The following DIAPH1 variants were observed in gnomAD, a reference collection of about 807,000 sequenced individuals.
DIAPH1 encodes the protein protein diaphanous homolog 1.
In DIAPH1, 46 loss-of-function variants were observed where a neutral mutation model predicts 140.7. The observed-to-expected ratio is 0.33, with a 90% CI of 0.26 to 0.42. The LOEUF (loss-of-function observed/expected upper bound fraction) is 0.42, where lower values mean the gene tolerates loss of function less well. Among genes scored for constraint, DIAPH1 ranks in the 10% least tolerant of loss-of-function variants. DIAPH1 has a pLI of 1.00. For synonymous variants in DIAPH1, 565 were observed against 551.6 expected, an observed-to-expected ratio of 1.02 and a Z score of -0.34; for missense variants, 1,310 against 1,558.7, an observed-to-expected ratio of 0.84 and a Z score of 2.69.
intron 11 of DIAPH1, 39 bp downstream of exon 11, chr5:141,578,186 A>ATGTC: frequency 7.0e-7 from 1 of 1,427,810 alleles, no homozygotes; most frequent in Non-Finnish European, 9.9e-7. Flanking sequence ...AATACAATGA[A>ATGTC]TGTCTCATCT....
At chr5:141,593,101 G>A (rs944378880) in intron 1 of DIAPH1, among the ~76,000 whole-genome samples, 10 of 152,086 alleles carry the variant, frequency 6.6e-5, no homozygotes, top group African/African-American at 2.2e-4. Context: ...GTCCTAAACC[G>A]GAAAGAGCAA....
intron 18 of DIAPH1, among the ~76,000 whole-genome samples, chr5:141,547,822 A>T (rs528200916): frequency 6.6e-6 from 1 of 152,346 alleles, no homozygotes; most frequent in East Asian, 1.9e-4. Context: ...AGCAGCTCAG[A>T]GAAACTCAAG....
At chr5:141,558,054 G>T (rs2099892922) in intron 18 of DIAPH1, among the ~76,000 whole-genome samples, 1 of 152,140 alleles carries the variant, frequency 6.6e-6, no homozygotes, top group East Asian at 1.9e-4. Context: ...GGCCAAGATA[G>T]GGAGTCTGTT....
At chr5:141,578,712 A>C (rs770716247) in intron 9 of DIAPH1, 87 bp from the exon 10 acceptor site, 2 of 980,692 alleles carry the variant, frequency 2.0e-6, no homozygotes, top group Non-Finnish European at 3.2e-6. Flanking sequence ...TTAGGTCCCC[A>C]ATACAACCTG....
chr5:141,538,265 T>C (rs910860473), intron 18 of DIAPH1, among the ~76,000 whole-genome samples: 6 of 152,080 alleles, frequency 3.9e-5, no homozygotes, highest in African/African-American at 7.2e-5. Flanking sequence ...TTTCACTGTG[T>C]TAGCCAGGAT....
chr5:141,613,228 T>G (rs897972984), intron 1 of DIAPH1, among the ~76,000 whole-genome samples: 1 of 152,022 alleles, frequency 6.6e-6, no homozygotes, highest in Non-Finnish European at 1.5e-5. Context: ...ATCTGTTCTA[T>G]CCCCCGCCTT....
intron 18 of DIAPH1, among the ~76,000 whole-genome samples, chr5:141,537,068 T>G (rs1170427688): frequency 6.6e-6 from 1 of 151,708 alleles, no homozygotes; most frequent in African/African-American, 2.4e-5. Flanking sequence ...CTTAGGAGGC[T>G]GAAGTAGGAG....
chr5:141,552,827 C>T (rs2099891940), intron 18 of DIAPH1, among the ~76,000 whole-genome samples: 2 of 152,320 alleles, frequency 1.3e-5, no homozygotes, highest in East Asian at 1.9e-4. Flanking sequence ...AGGCAACCAT[C>T]TGCAAGAGAA....
intron 18 of DIAPH1, among the ~76,000 whole-genome samples, chr5:141,545,291 G>A (rs1476757164): frequency 6.6e-6 from 1 of 152,138 alleles, no homozygotes; most frequent in Non-Finnish European, 1.5e-5. Flanking sequence ...TTATATCTCA[G>A]CAAACCTGAC....
intron 27 of DIAPH1, among the ~76,000 whole-genome samples, chr5:141,521,102 G>A (rs1044776905): frequency 3.3e-5 from 5 of 152,076 alleles, no homozygotes; most frequent in African/African-American, 1.2e-4. Context: ...GAGTTTCACC[G>A]TGTTAGTCAC....
In DIAPH1 at chr5:141,604,328, A is replaced by G. The variant is rs559811392; in HGVS notation, c.117+14470T>C. ...TAACCAATTTTTCCAAAATTTCAAC[A>G]TATTTCTCAAGCTTCAAATATTGAT... On this transcript the variant is annotated intron_variant, in intron 1 of 27. Transcript: ENST00000389054. Among the ~76,000 whole-genome samples, 71 of 152,328 alleles carry G rather than the reference A, an allele frequency of 4.7e-4. 1 individual carries two copies. Among genetic ancestry groups the G allele is most frequent in the African/African-American group, 1.6e-3 (65 of 41,580 alleles).
chr5:141,536,347 G>A (rs2099889014), intron 18 of DIAPH1, among the ~76,000 whole-genome samples: 3 of 151,910 alleles, frequency 2.0e-5, no homozygotes, highest in Non-Finnish European at 4.4e-5. Flanking sequence ...GTTTGAGGAA[G>A]AAAAATACTA....
intron 11 of DIAPH1, among the ~76,000 whole-genome samples, chr5:141,577,838 T>C (rs1378795065): frequency 1.3e-5 from 2 of 152,190 alleles, no homozygotes; most frequent in Admixed American, 1.3e-4. Flanking sequence ...GATCAGGCAG[T>C]AGACAGAAAA....
At chr5:141,532,624 T>C (rs1429865311) in intron 19 of DIAPH1, among the ~76,000 whole-genome samples, 1 of 152,242 alleles carries the variant, frequency 6.6e-6, no homozygotes, top group Non-Finnish European at 1.5e-5. Context: ...ATAGCATTTA[T>C]TAATCTGCAC....
At chr5:141,536,452 A>C (rs987205772) in intron 18 of DIAPH1, among the ~76,000 whole-genome samples, 5 of 152,226 alleles carry the variant, frequency 3.3e-5, no homozygotes, top group Admixed American at 1.3e-4. Flanking sequence ...AAGTGAACAA[A>C]ATAGAGAAAG....
chr5:141,560,358 G>A (rs1462443867), intron 18 of DIAPH1, among the ~76,000 whole-genome samples: 1 of 152,172 alleles, frequency 6.6e-6, no homozygotes, highest in Non-Finnish European at 1.5e-5. Flanking sequence ...CTGCATTCTT[G>A]CCACTCCCTT....
At chr5:141,600,891 T>C (rs529173755) in intron 1 of DIAPH1, among the ~76,000 whole-genome samples, 15 of 152,258 alleles carry the variant, frequency 9.9e-5, no homozygotes, top group Non-Finnish European at 2.2e-4. Flanking sequence ...CTAAATATTT[T>C]ATACTAGAAC....
At chr5:141,608,079 G>C (rs543866389) in intron 1 of DIAPH1, among the ~76,000 whole-genome samples, 1 of 152,356 alleles carries the variant, frequency 6.6e-6, no homozygotes, top group Admixed American at 6.5e-5. Flanking sequence ...GGGAGATAAA[G>C]GTTCTATTTC....
In DIAPH1 at chr5:141,577,735, G is replaced by A. The variant is rs138797298; in HGVS notation, c.1164-144C>T. On this transcript the variant is annotated intron_variant, in intron 11 of 27. Coordinates refer to ENST00000389054, the MANE Select transcript of DIAPH1 (RefSeq NM_005219.5). Reference sequence around the variant, plus strand: ...GCTGTTCTTCCTGTAAACATCACCAGAAACTTTAAGCTTTCTAAAACGTCC... The same window carrying A: ...GCTGTTCTTCCTGTAAACATCACCAAAAACTTTAAGCTTTCTAAAACGTCC... 235 of 693,478 alleles carry A rather than the reference G, an allele frequency of 3.4e-4. No homozygotes were observed. In the African/African-American group the frequency reaches 4.0e-3, roughly 12 times the overall value. The allele number at this position is 693,478 out of a possible 1,614,324, so 43.0% of individuals were successfully genotyped here.
Sources: gnomAD v4.1 joint callset for allele counts (sites outside exome capture counted in the v4.1 genomes callset) on GRCh38, gnomAD v4.1.1 for gene constraint, MANE v1.5 for transcripts, NCBI Gene and HGNC (gene_info 2026-07-23, HGNC 2026-07-21) for gene names.